The following SLC30A8 variants were observed in gnomAD, a reference collection of about 807,000 sequenced individuals.
The protein encoded by SLC30A8 is solute carrier family 30 member 8, also known as proton-coupled zinc antiporter SLC30A8.
A neutral mutation model predicts 36.9 loss-of-function variants in SLC30A8; 27 were observed. The ratio of observed to expected loss-of-function variants is 0.73; its 90% CI spans 0.54 to 1.01. The LOEUF (loss-of-function observed/expected upper bound fraction) is 1.01, where lower values mean the gene tolerates loss of function less well. Among genes scored for constraint, SLC30A8 ranks in the 50% least tolerant of loss-of-function variants. The pLI is 0.00. For missense variants in SLC30A8, 439 were observed against 452.0 expected (o/e 0.97, Z 0.26); for synonymous variants, 164 against 172.4 (o/e 0.95, Z 0.38).
At chr8:116,967,137 C>G (rs1000480027) in intron 1 of SLC30A8, among the ~76,000 whole-genome samples, 9 of 152,048 alleles carry the variant, frequency 5.9e-5, no homozygotes, top group African/African-American at 2.2e-4. Flanking sequence ...AATAAAAATT[C>G]CCCAGGGTAG....
chr8:117,124,265 C>A (rs1820806797), intron 2 of SLC30A8, among the ~76,000 whole-genome samples: 1 of 151,850 alleles, frequency 6.6e-6, no homozygotes, highest in Non-Finnish European at 1.5e-5. Flanking sequence ...TTGTGCCATG[C>A]TTTTACAGTA....
intron 1 of SLC30A8, among the ~76,000 whole-genome samples, chr8:117,138,060 C>CAAAAAAAAAAAA (rs60065374): frequency 4.0e-5 from 2 of 49,964 alleles, no homozygotes; most frequent in African/African-American, 1.4e-4. Flanking sequence ...TTCATTGTAG[C>CAAAAAAAAAAAA]AAAAAAAAAA....
chr8:117,011,573 C>A (rs144012420), intron 1 of SLC30A8, among the ~76,000 whole-genome samples: 2,017 of 152,296 alleles, frequency 0.013, 24 homozygotes, highest in Non-Finnish European at 0.02. Context: ...AGCCTCAAGG[C>A]TCTAGACTTG....
At chr8:117,054,471 G>A (rs534906565) in intron 2 of SLC30A8, among the ~76,000 whole-genome samples, 3 of 152,292 alleles carry the variant, frequency 2.0e-5, no homozygotes, top group East Asian at 3.9e-4. Flanking sequence ...TGAAGTAACA[G>A]ATGAGAGCAA....
chr8:117,064,826 A>T (rs773914224), intron 2 of SLC30A8, among the ~76,000 whole-genome samples: 3 of 152,156 alleles, frequency 2.0e-5, no homozygotes, highest in Non-Finnish European at 4.4e-5. Context: ...AGGGGAGAGA[A>T]ATATGTGAGG....
chr8:117,140,520 T>C (rs537842139), intron 1 of SLC30A8, among the ~76,000 whole-genome samples: 44 of 152,028 alleles, frequency 2.9e-4, no homozygotes, highest in Admixed American at 4.6e-4. Flanking sequence ...AAAAGATTCA[T>C]TATGTATGAG....
intron 6 of SLC30A8, among the ~76,000 whole-genome samples, chr8:117,169,845 C>T (rs555475528): frequency 1.8e-4 from 27 of 152,114 alleles, no homozygotes; most frequent in African/African-American, 3.6e-4. Context: ...AGGGATCTGG[C>T]ACCATGACCC....
At chr8:117,120,332 T>A (rs1459910334) in intron 2 of SLC30A8, among the ~76,000 whole-genome samples, 1 of 151,926 alleles carries the variant, frequency 6.6e-6, no homozygotes. Context: ...AGTGAACTGA[T>A]CTTTGACAAG....
At chr8:117,160,952 T>G (rs753421369) in intron 4 of SLC30A8, among the ~76,000 whole-genome samples, 1 of 152,242 alleles carries the variant, frequency 6.6e-6, no homozygotes, top group Non-Finnish European at 1.5e-5. Context: ...GGCAAAACAC[T>G]GTTAGCTGTC....
chr8:116,976,818 C>CTTTTCTTTTCTTTTCTTTTCTTTTCT (rs1554620309), intron 1 of SLC30A8, among the ~76,000 whole-genome samples: 5 of 134,646 alleles, frequency 3.7e-5, no homozygotes, highest in African/African-American at 1.3e-4. Flanking sequence ...TTCTTTCTTT[C>CTTTTCTTTTCTTTTCTTTTCTTTTCT]TTTCTTTTTT....
intron 1 of SLC30A8, among the ~76,000 whole-genome samples, chr8:117,028,843 G>A (rs1816950572): frequency 6.6e-6 from 1 of 151,894 alleles, no homozygotes; most frequent in Admixed American, 6.6e-5. Context: ...TTTGTCTAAG[G>A]TAACAGTAAA....
At chr8:117,001,204 CT>C (rs34639384) in intron 1 of SLC30A8, among the ~76,000 whole-genome samples, 1,419 of 78,318 alleles carry the variant, frequency 0.018, 11 homozygotes, top group African/African-American at 0.053. Context: ...TTGCTAGGGG[CT>C]TTTTTTTTTT....
chr8:116,972,385 G>T (rs1181675096), intron 1 of SLC30A8, among the ~76,000 whole-genome samples: 1 of 152,206 alleles, frequency 6.6e-6, no homozygotes, highest in Non-Finnish European at 1.5e-5. Context: ...TCGATGCAGA[G>T]AAGTGAGTCA....
intron 1 of SLC30A8, among the ~76,000 whole-genome samples, chr8:116,981,054 G>C (rs1815235632): frequency 6.6e-6 from 1 of 152,168 alleles, no homozygotes; most frequent in Non-Finnish European, 1.5e-5. Context: ...CCATGGGATG[G>C]CTCTTCTGCT....
chr8:117,115,729 G>T (rs1190901366), intron 2 of SLC30A8, among the ~76,000 whole-genome samples: 1 of 152,042 alleles, frequency 6.6e-6, no homozygotes, highest in African/African-American at 2.4e-5. Flanking sequence ...AGGATTAGGA[G>T]CCACTTTCTT....
intron 1 of SLC30A8, among the ~76,000 whole-genome samples, chr8:116,994,138 C>T (rs1236758447): frequency 6.6e-6 from 1 of 151,960 alleles, no homozygotes; most frequent in Non-Finnish European, 1.5e-5. Context: ...AATAAAACCA[C>T]TTCACAGAAA....
In SLC30A8 at chr8:116,995,670, G is replaced by A. The variant is rs141853105; in HGVS notation, c.-265-43549G>A. 2.1e-3 allele frequency among the ~76,000 whole-genome samples: 314 copies of A among 152,186 alleles called. 4 individuals are homozygous for A. Among genetic ancestry groups the A allele is most frequent in the African/African-American group, 7.3e-3 (302 of 41,478 alleles). ...GGAGGGGAGTCATTTGAACAACACT[G>A]TGCAGGGTTTTGTATCCTCAGAATA... On this transcript the variant is annotated intron_variant, in intron 1 of 10. Transcript: ENST00000427715.
intron 1 of SLC30A8, among the ~76,000 whole-genome samples, chr8:116,980,170 T>A (rs1236495343): frequency 6.6e-6 from 1 of 152,186 alleles, no homozygotes; most frequent in Non-Finnish European, 1.5e-5. Flanking sequence ...TTGCCTTAAT[T>A]TTATCTTAAC....
chr8:117,154,985 AATTTC>A (rs1467925107), intron 3 of SLC30A8, among the ~76,000 whole-genome samples: 1 of 152,100 alleles, frequency 6.6e-6, no homozygotes, highest in African/African-American at 2.4e-5. Context: ...AAATTTACTT[AATTTC>A]ATTTTAAGCA....
Sources: allele counts gnomAD v4.1 joint callset (sites outside exome capture counted in the v4.1 genomes callset), GRCh38; gene constraint gnomAD v4.1.1; transcripts MANE v1.5; gene names NCBI Gene and HGNC (gene_info 2026-07-23, HGNC 2026-07-21).